C1orf21: variants seen among roughly 807,000 people sequenced by gnomAD.
C1orf21 encodes chromosome 1 open reading frame 21.
In C1orf21, 3 loss-of-function variants were observed where a neutral mutation model predicts 18.7. The observed-to-expected ratio is 0.16, with a 90% CI of 0.07 to 0.42. The LOEUF is 0.42. C1orf21 is among the 10% of genes least tolerant of loss of function. The pLI is 0.99. For synonymous variants in C1orf21, 41 were observed against 46.4 expected (o/e 0.88, Z 0.47); for missense variants, 104 against 143.6 (o/e 0.72, Z 1.41).
At chr1:184,484,380 T>C (rs377759094) in intron 2 of C1orf21, among the ~76,000 whole-genome samples, 98 of 152,360 alleles carry the variant, frequency 6.4e-4, no homozygotes, top group South Asian at 3.9e-3. Flanking sequence ...TCCTGCTTGT[T>C]TTCCAAATAT....
chr1:184,477,088 G>A (rs2101990417), intron 1 of C1orf21, among the ~76,000 whole-genome samples: 1 of 152,108 alleles, frequency 6.6e-6, no homozygotes, highest in East Asian at 1.9e-4. Flanking sequence ...TGTATGGCAA[G>A]CAGTAGTGCC....
In C1orf21 at chr1:184,619,801, C is replaced by T. The variant is rs1041716693; in HGVS notation, c.*245C>T. On this transcript the variant is annotated 3_prime_UTR_variant, in exon 6 of 6. Coordinates refer to ENST00000235307, the MANE Select transcript of C1orf21 (RefSeq NM_030806.4). The stretch of plus-strand genomic sequence containing the variant: ...TGCTGCTAGTTAAAACTTGTTGCAA[C>T]TTTTCACTTCTCTTGTGTCCAGGTA... The T allele has an allele frequency of 3.4e-5, 14 of 407,122 alleles. No individual in the cohort carries two copies. Among genetic ancestry groups the T allele is most frequent in the Non-Finnish European group, 6.0e-5 (14 of 232,218 alleles). 25.2% of individuals were successfully genotyped at this position (407,122 alleles called of 1,614,324 possible).
chr1:184,508,452 G>A (rs1019969393), intron 3 of C1orf21, among the ~76,000 whole-genome samples: 1 of 151,986 alleles, frequency 6.6e-6, no homozygotes, highest in Non-Finnish European at 1.5e-5. Flanking sequence ...GAGTTAAAAA[G>A]GTATTTTTAA....
chr1:184,553,031 A>C (rs1372965461), intron 3 of C1orf21, among the ~76,000 whole-genome samples: 1 of 151,898 alleles, frequency 6.6e-6, no homozygotes, highest in East Asian at 1.9e-4. Context: ...CTCTTGGTCT[A>C]CTCCTGGTGG....
At chr1:184,585,730 TG>T (rs1659343766) in intron 3 of C1orf21, among the ~76,000 whole-genome samples, 1 of 152,224 alleles carries the variant, frequency 6.6e-6, no homozygotes, top group African/African-American at 2.4e-5. Flanking sequence ...ATTTGGTTTT[TG>T]TTTCTCTGTT....
At chr1:184,495,309 G>A (rs1279410601) in intron 2 of C1orf21, among the ~76,000 whole-genome samples, 1 of 152,084 alleles carries the variant, frequency 6.6e-6, no homozygotes, top group Non-Finnish European at 1.5e-5. Flanking sequence ...TCTGAGCTTT[G>A]ATCCCTGTTC....
intron 2 of C1orf21, among the ~76,000 whole-genome samples, chr1:184,499,081 T>A (rs1301793973): frequency 1.3e-5 from 2 of 152,126 alleles, no homozygotes. Context: ...GTAGCTCTCA[T>A]TTATCCTCCT....
At chr1:184,597,450 G>A (rs1659531658) in intron 4 of C1orf21, among the ~76,000 whole-genome samples, 1 of 152,126 alleles carries the variant, frequency 6.6e-6, no homozygotes, top group Non-Finnish European at 1.5e-5. Context: ...TGATGGTAAA[G>A]GGTACATTTC....
At chr1:184,592,069 A>G (rs2101999663) in intron 4 of C1orf21, among the ~76,000 whole-genome samples, 1 of 152,284 alleles carries the variant, frequency 6.6e-6, no homozygotes, top group Admixed American at 6.5e-5. Context: ...GGAAATGAAA[A>G]GGCATTAAAT....
intron 4 of C1orf21, chr1:184,592,315 A>G (rs1306489467): frequency 6.6e-6 from 1 of 152,246 alleles, no homozygotes; most frequent in East Asian, 1.9e-4. Context: ...AGTGCCTAAT[A>G]CATTTTCCCA....
chr1:184,598,524 A>AG, intron 5 of C1orf21, 63 bp downstream of exon 5: 1 of 1,418,850 alleles, frequency 7.0e-7, no homozygotes, highest in East Asian at 2.3e-5. Context: ...TTCATATGTG[A>AG]GGGCAATAAC....
intron 1 of C1orf21, among the ~76,000 whole-genome samples, chr1:184,467,582 T>A (rs1163433105): frequency 1.3e-5 from 2 of 152,220 alleles, no homozygotes; most frequent in African/African-American, 4.8e-5. Flanking sequence ...CTGCTTTCTG[T>A]CTGCATCCAG....
intron 1 of C1orf21, among the ~76,000 whole-genome samples, chr1:184,464,917 CTCTT>C (rs1298318603): frequency 2.0e-5 from 3 of 152,140 alleles, no homozygotes; most frequent in Non-Finnish European, 4.4e-5. Context: ...TCAGTTCTCT[CTCTT>C]TCTCTCTCCG....
chr1:184,441,255 T>A (rs1248173181), intron 1 of C1orf21, among the ~76,000 whole-genome samples: 1 of 152,226 alleles, frequency 6.6e-6, no homozygotes, highest in Non-Finnish European at 1.5e-5. Flanking sequence ...TATCTTTTAC[T>A]TCTCTTTCTC....
At chr1:184,588,104 T>C (rs913750980) in intron 3 of C1orf21, among the ~76,000 whole-genome samples, 13 of 152,190 alleles carry the variant, frequency 8.5e-5, no homozygotes, top group African/African-American at 2.7e-4. Context: ...GGCATTGTTT[T>C]TTATAGGACA....
intron 1 of C1orf21, among the ~76,000 whole-genome samples, chr1:184,402,575 C>T (rs1181837122): frequency 6.6e-6 from 1 of 151,218 alleles, no homozygotes; most frequent in Non-Finnish European, 1.5e-5. Context: ...AGTGATTGTG[C>T]CACTGCACTC....
At chr1:184,545,389 A>C (rs1038107507) in intron 3 of C1orf21, among the ~76,000 whole-genome samples, 1 of 152,238 alleles carries the variant, frequency 6.6e-6, no homozygotes, top group Admixed American at 6.5e-5. Flanking sequence ...TATTTTAGAT[A>C]AATTTAAAAT....
intron 2 of C1orf21, among the ~76,000 whole-genome samples, chr1:184,494,979 TGAG>T (rs1442181796): frequency 6.6e-6 from 1 of 152,248 alleles, no homozygotes; most frequent in East Asian, 1.9e-4. Context: ...ATGGCCCAAG[TGAG>T]GAGAAGTGCT....
At position 184,590,722 on chromosome 1, in the gene C1orf21, G is replaced by C; in HGVS notation, c.190-17G>C. On this transcript the variant is annotated splice_polypyrimidine_tract_variant and intron_variant, in intron 3 of 5. Transcript: ENST00000235307. ...TTCTAATCCTGTCTTTCACATGTCT[G>C]TGTTTATGTGTTTCAGGAAAAAAGT... 6.3e-7 allele frequency: 1 copy of C among 1,599,710 alleles called. No individual in the cohort carries two copies.
Sources: allele counts gnomAD v4.1 joint callset (sites outside exome capture counted in the v4.1 genomes callset), GRCh38; gene constraint gnomAD v4.1.1; transcripts MANE v1.5; gene names NCBI Gene and HGNC (gene_info 2026-07-23, HGNC 2026-07-21).